The following KDM1A variants were observed in gnomAD, a reference collection of about 807,000 sequenced individuals.
KDM1A encodes lysine-specific histone demethylase 1A.
Under a neutral mutation model 109.4 loss-of-function variants are expected in KDM1A, and 49 were observed. The observed-to-expected ratio is 0.45, with a 90% CI of 0.36 to 0.57. The LOEUF is 0.57. Among genes scored for constraint, KDM1A ranks in the 20% least tolerant of loss-of-function variants. The pLI is 0.00. For missense variants in KDM1A, 668 were observed against 1,116.6 expected, an observed-to-expected ratio of 0.60 and a Z score of 5.73; for synonymous variants, 380 against 415.4, an observed-to-expected ratio of 0.91 and a Z score of 1.04.
intron 14 of KDM1A, among the ~76,000 whole-genome samples, chr1:23,072,934 C>G (rs1026742617): frequency 1.3e-5 from 2 of 152,220 alleles, no homozygotes; most frequent in Non-Finnish European, 2.9e-5. Context: ...GCCACAGCAT[C>G]CAGCCTGCCC....
At chr1:23,069,299 C>T (rs1264918969) in intron 12 of KDM1A, 148 bp downstream of exon 12, 2 of 546,636 alleles carry the variant, frequency 3.7e-6, no homozygotes, top group African/African-American at 1.9e-5. Flanking sequence ...TAATGACTAA[C>T]GAAAGAGACT....
At chr1:23,064,089 A>G (rs934058456) in intron 9 of KDM1A, among the ~76,000 whole-genome samples, 17 of 152,248 alleles carry the variant, frequency 1.1e-4, no homozygotes, top group African/African-American at 3.6e-4. Context: ...GAGTCTCACT[A>G]TATTGCCCAG....
At chr1:23,048,299 C>T (rs1219405865) in intron 3 of KDM1A, among the ~76,000 whole-genome samples, 1 of 151,962 alleles carries the variant, frequency 6.6e-6, no homozygotes, top group Non-Finnish European at 1.5e-5. Flanking sequence ...GAGCTGGGGA[C>T]ATCAAAGCCA....
chr1:23,077,545 C>G (rs1643501433), intron 16 of KDM1A, among the ~76,000 whole-genome samples, 185 bp downstream of exon 16: 1 of 152,174 alleles, frequency 6.6e-6, no homozygotes, highest in Non-Finnish European at 1.5e-5. Context: ...ATTTTATAAA[C>G]TGGGAAATCG....
Position 23,019,800 on chromosome 1 carries a change from C to T in KDM1A, c.204C>T (p.Ala68=), listed in dbSNP as rs1314731402. ...RTPRKKEPPR[A]SPPGGLAEPP... ...CCCGCAAGAAAGAGCCTCCGCGGGCCTCGCCCCCCGGGGGCCTGGCGGAAC... is the reference window on the plus strand; with the variant it reads ...CCCGCAAGAAAGAGCCTCCGCGGGCTTCGCCCCCCGGGGGCCTGGCGGAAC... The change falls in exon 1 of 21, where the codon GCC becomes GCT. Residue 68 remains alanine, a synonymous_variant. Transcript: ENST00000400181. 7.2e-7 allele frequency: 1 copy of T among 1,390,822 alleles called. No individual in the cohort carries two copies. The highest frequency in any genetic ancestry group is 3.8e-5 in the Admixed American group (1 of 26,278). 86.2% of individuals were successfully genotyped at this position (1,390,822 alleles called of 1,614,324 possible).
In KDM1A at chr1:23,037,129, T is replaced by TATACAC. The variant is rs112388712; in HGVS notation, c.517+6496_517+6497insTACACA. Among the ~76,000 whole-genome samples, 1,056 of 147,716 alleles carry TATACAC rather than the reference T, an allele frequency of 7.1e-3. 14 individuals are homozygous for TATACAC. The highest frequency in any genetic ancestry group is 0.024 in the African/African-American group (962 of 40,038). On this transcript the variant is annotated intron_variant, in intron 2 of 20. Coordinates refer to ENST00000400181, the MANE Select transcript of KDM1A (RefSeq NM_001009999.3). Reference sequence around the variant, plus strand: ...CCATCTCCACTAAAAAAAATATATATACACACACACACACACACACACAAA... The same window carrying TATACAC: ...CCATCTCCACTAAAAAAAATATATATATACACACACACACACACACACACACACAAA...
Position 23,053,807 on chromosome 1 carries a change from C to T in KDM1A, c.758C>T (p.Ala253Val). ...DNPKIQLTFE[A>V]TLQQLEAPYN... ...CCAAAGATTCAGCTGACATTTGAGG[C>T]TACTCTCCAACAATTAGAAGCACCT... Residue 253 changes from alanine to valine, a missense_variant, in exon 5 of 21, where the codon GCT (alanine) becomes GTT (valine). By Grantham distance (64) the Ala-to-Val change is moderately conservative (BLOSUM62 0). Transcript: ENST00000400181. 1 of 1,608,536 alleles carries T rather than the reference C, an allele frequency of 6.2e-7. No homozygotes were observed. The highest frequency in any genetic ancestry group is 2.2e-5 in the East Asian group (1 of 44,836).
chr1:23,041,546 G>A (rs1642335640), intron 2 of KDM1A, among the ~76,000 whole-genome samples: 3 of 142,046 alleles, frequency 2.1e-5, no homozygotes, highest in African/African-American at 2.6e-5. Context: ...GAGTTCAAGC[G>A]ATTCTCCTGC....
chr1:23,021,636 G>T (rs892729649), intron 1 of KDM1A, among the ~76,000 whole-genome samples: 5 of 152,200 alleles, frequency 3.3e-5, no homozygotes, highest in African/African-American at 1.2e-4. Flanking sequence ...CTGCACTTCA[G>T]CCTGGGCAAC....
chr1:23,032,223 C>T (rs1642005427), intron 2 of KDM1A, among the ~76,000 whole-genome samples: 1 of 152,170 alleles, frequency 6.6e-6, no homozygotes, highest in Non-Finnish European at 1.5e-5. Context: ...TCTGATATCT[C>T]AGATGCTGCC....
At chr1:23,022,324 G>T (rs1309136591) in intron 1 of KDM1A, among the ~76,000 whole-genome samples, 4 of 71,174 alleles carry the variant, frequency 5.6e-5, no homozygotes, top group Non-Finnish European at 1.3e-4. Context: ...GTTCTTCTTC[G>T]TTTTTTTTTT....
intron 1 of KDM1A, among the ~76,000 whole-genome samples, chr1:23,027,470 A>G (rs549198704): frequency 7.4e-6 from 1 of 135,328 alleles, no homozygotes; most frequent in East Asian, 2.2e-4. Context: ...GCTGGAGTGC[A>G]GTGTTTAGAT....
At chr1:23,061,856 T>C (rs1391808976) in intron 9 of KDM1A, among the ~76,000 whole-genome samples, 2 of 151,982 alleles carry the variant, frequency 1.3e-5, no homozygotes, top group Non-Finnish European at 2.9e-5. Context: ...ACAGGGTTTT[T>C]CCATGTTGGC....
intron 1 of KDM1A, among the ~76,000 whole-genome samples, chr1:23,020,919 C>T (rs907338576): frequency 6.6e-6 from 1 of 152,130 alleles, no homozygotes; most frequent in Non-Finnish European, 1.5e-5. Context: ...AGTATTAGGG[C>T]GCAGACTTTA....
In KDM1A at chr1:23,059,343, G is replaced by A. The variant is rs568631389; in HGVS notation, c.1167+176G>A. ...GGTTGTTTCTTAACTCTTGAGCTAT[G>A]TAGGAAAGGATTATTGTATATATAC... is the stretch of plus-strand genomic sequence containing the variant. On this transcript the variant is annotated intron_variant, in intron 9 of 20. Coordinates refer to ENST00000400181, the MANE Select transcript of KDM1A (RefSeq NM_001009999.3). 9 of 701,046 alleles carry A rather than the reference G, an allele frequency of 1.3e-5. No individual in the cohort carries two copies. In the East Asian group the frequency reaches 2.2e-4, roughly 17 times the overall value. 43.4% of individuals were successfully genotyped at this position (701,046 alleles called of 1,614,324 possible).
chr1:23,063,226 GTGTGGGTGT>G, intron 9 of KDM1A, among the ~76,000 whole-genome samples: 1 of 52,626 alleles, frequency 1.9e-5, no homozygotes, highest in Non-Finnish European at 4.4e-5. Flanking sequence ...GGGTGGGTGT[GTGTGGGTGT>G]GTGTGTGTGT....
intron 10 of KDM1A, among the ~76,000 whole-genome samples, 179 bp from the exon 11 acceptor site, chr1:23,068,360 A>G (rs1405701975): frequency 6.6e-6 from 1 of 152,206 alleles, no homozygotes; most frequent in Non-Finnish European, 1.5e-5. Context: ...CAAACATTTC[A>G]TATCTCATTT....
intron 5 of KDM1A, 90 bp from the exon 6 acceptor site, chr1:23,054,979 G>T: frequency 1.3e-6 from 1 of 795,580 alleles, no homozygotes; most frequent in Non-Finnish European, 2.0e-6. Flanking sequence ...ATGGTTTTAA[G>T]GACTTCATGA....
intron 12 of KDM1A, among the ~76,000 whole-genome samples, chr1:23,071,017 C>G (rs1643303208): frequency 6.6e-6 from 1 of 152,082 alleles, no homozygotes; most frequent in Admixed American, 6.6e-5. Flanking sequence ...AGTTGTGGTA[C>G]CTTTATGTCA....
Sources: gnomAD v4.1 joint callset for allele counts (sites outside exome capture counted in the v4.1 genomes callset) on GRCh38, gnomAD v4.1.1 for gene constraint, MANE v1.5 for transcripts, NCBI Gene and HGNC (gene_info 2026-07-23, HGNC 2026-07-21) for gene names.